The following DMD variants were observed in gnomAD, a reference collection of about 807,000 sequenced individuals.
The protein encoded by DMD is mutant dystrophin.
DMD carries 63 observed loss-of-function variants against 330.1 expected under a neutral mutation model. The observed-to-expected ratio is 0.19, with a 90% CI of 0.16 to 0.24. The LOEUF (loss-of-function observed/expected upper bound fraction) is 0.24. DMD is among the 10% of genes least tolerant of loss of function. The pLI, the probability that DMD is intolerant of heterozygous loss-of-function variation, is 1.00. For synonymous variants in DMD, 1,223 were observed against 959.8 expected (o/e 1.27, Z -5.07); for missense variants, 3,344 against 2,684.1 (o/e 1.25, Z -5.43).
intron 15 of DMD, among the ~76,000 whole-genome samples, chrX:32,568,242 G>A (rs2051976972): frequency 8.9e-6 from 1 of 111,973 alleles, no homozygotes; most frequent in African/African-American, 3.2e-5. Flanking sequence ...AGAGGTGGTG[G>A]CTCACGCCTA....
At chrX:31,646,446 C>T (rs765907730) in intron 54 of DMD, among the ~76,000 whole-genome samples, 1 of 111,754 alleles carries the variant, frequency 8.9e-6, no homozygotes, top group Non-Finnish European at 1.9e-5. Context: ...CAAGTCCCAT[C>T]CCCAGAGATT....
chrX:31,837,015 T>G (rs189020974), intron 48 of DMD, among the ~76,000 whole-genome samples, 196 bp from the exon 49 acceptor site: 1 of 111,728 alleles, frequency 9.0e-6, no homozygotes, highest in African/African-American at 3.2e-5. Flanking sequence ...AAAAAATTCA[T>G]CCAATATCTT....
At chrX:31,381,753 A>C (rs1377667142) in intron 60 of DMD, among the ~76,000 whole-genome samples, 1 of 111,963 alleles carries the variant, frequency 8.9e-6, no homozygotes, top group Non-Finnish European at 1.9e-5. Context: ...ATGCTATAGT[A>C]CAAGCCACTA....
chrX:32,798,028 C>G (rs1343035423), intron 7 of DMD, among the ~76,000 whole-genome samples: 1 of 111,557 alleles, frequency 9.0e-6, no homozygotes, highest in Non-Finnish European at 1.9e-5. Flanking sequence ...AAATCAGCCC[C>G]TAGGGGAGAT....
intron 44 of DMD, among the ~76,000 whole-genome samples, chrX:32,068,224 G>C (rs2096272742): frequency 9.0e-6 from 1 of 111,045 alleles, no homozygotes; most frequent in Admixed American, 9.6e-5. Context: ...TTGTTCAATT[G>C]TTTAGGTTCC....
intron 51 of DMD, 75 bp downstream of exon 51, chrX:31,773,885 G>A: frequency 4.3e-6 from 4 of 921,840 alleles, no homozygotes; most frequent in Non-Finnish European, 6.3e-6. Flanking sequence ...AATGGTCTAG[G>A]AGAGTAAAGT....
chrX:31,709,555 G>GCTCTCT (rs753402977), intron 52 of DMD, among the ~76,000 whole-genome samples: 13 of 89,763 alleles, frequency 1.4e-4, no homozygotes, highest in African/African-American at 5.1e-4. Context: ...TTATTGTACA[G>GCTCTCT]CTCTCTCTCT....
chrX:32,627,131 G>C (rs1341627848), intron 11 of DMD, among the ~76,000 whole-genome samples: 1 of 93,098 alleles, frequency 1.1e-5, no homozygotes, highest in Non-Finnish European at 2.0e-5. Flanking sequence ...GGTTGAGAAC[G>C]ATTGTGCCTC....
intron 2 of DMD, among the ~76,000 whole-genome samples, chrX:32,938,165 C>T (rs908550721): frequency 9.0e-6 from 1 of 111,250 alleles, no homozygotes; most frequent in Non-Finnish European, 1.9e-5. Context: ...TTATGAGCCC[C>T]AAAATCATTC....
At chrX:31,138,648 A>G (rs867286196) in intron 76 of DMD, among the ~76,000 whole-genome samples, 10 of 76,453 alleles carry the variant, frequency 1.3e-4, no homozygotes, top group African/African-American at 4.8e-4. Context: ...AGAGAGAGAG[A>G]GAGAGAGAGA....
chrX:32,328,123 C>A (rs941646485), intron 41 of DMD, among the ~76,000 whole-genome samples: 1 of 111,261 alleles, frequency 9.0e-6, no homozygotes, highest in African/African-American at 3.3e-5. Context: ...AAAAAGCATG[C>A]ATAATAACAT....
chrX:33,258,326 T>C (rs1421873724), intron 1 of DMD, among the ~76,000 whole-genome samples: 8 of 111,014 alleles, frequency 7.2e-5, no homozygotes, highest in Non-Finnish European at 1.5e-4. Flanking sequence ...ACCAAAGTGT[T>C]CCGGTTTGGA....
At chrX:32,667,910 C>T (rs1313626583) in intron 9 of DMD, among the ~76,000 whole-genome samples, 1 of 108,714 alleles carries the variant, frequency 9.2e-6, no homozygotes. Context: ...GAGGCCGAGG[C>T]GGGCGGATCA....
At chrX:33,121,948 G>A (rs1178145441) in intron 1 of DMD, among the ~76,000 whole-genome samples, 1 of 112,151 alleles carries the variant, frequency 8.9e-6, no homozygotes, top group East Asian at 2.8e-4. Flanking sequence ...TAAATCAGCC[G>A]GCCATGGTGG....
intron 1 of DMD, among the ~76,000 whole-genome samples, chrX:33,038,340 T>G (rs2094239669): frequency 8.9e-6 from 1 of 112,424 alleles, no homozygotes; most frequent in Non-Finnish European, 1.9e-5. Context: ...TTTAAGTCAG[T>G]GCATAGAATA....
At chrX:33,253,766 T>A (rs991549015) in intron 1 of DMD, among the ~76,000 whole-genome samples, 3 of 111,434 alleles carry the variant, frequency 2.7e-5, no homozygotes, top group African/African-American at 9.7e-5. Flanking sequence ...GGTCATCTAG[T>A]CTCTAATGAG....
chrX:32,621,168 C>T (rs905209876), intron 11 of DMD, among the ~76,000 whole-genome samples: 1 of 111,385 alleles, frequency 9.0e-6, no homozygotes, highest in African/African-American at 3.3e-5. Flanking sequence ...TACTGGACAA[C>T]TGTGAAGACT....
intron 21 of DMD, among the ~76,000 whole-genome samples, chrX:32,476,096 T>C (rs1164034739): frequency 9.0e-6 from 1 of 111,407 alleles, no homozygotes; most frequent in Non-Finnish European, 1.9e-5. Flanking sequence ...GAGGGGACTA[T>C]GGGCAGACAC....
intron 44 of DMD, among the ~76,000 whole-genome samples, chrX:32,094,569 C>T (rs1375262310): frequency 1.8e-5 from 2 of 110,974 alleles, no homozygotes; most frequent in African/African-American, 3.4e-5. Context: ...TTTAGATACA[C>T]ATCTCTTCCT....
Sources: allele counts gnomAD v4.1 joint callset (sites outside exome capture counted in the v4.1 genomes callset), GRCh38; gene constraint gnomAD v4.1.1; transcripts MANE v1.5; gene names NCBI Gene and HGNC (gene_info 2026-07-23, HGNC 2026-07-21).